The following KCNT2 variants were observed in gnomAD, a reference collection of about 807,000 sequenced individuals.
KCNT2 encodes the protein potassium channel subfamily T member 2.
A neutral mutation model predicts 153.8 loss-of-function variants in KCNT2; 67 were observed. The observed-to-expected ratio is 0.44, with a 90% CI of 0.36 to 0.53. KCNT2 has a LOEUF of 0.53. KCNT2 is among the 20% of genes least tolerant of loss of function. The pLI, the probability that KCNT2 is intolerant of heterozygous loss-of-function variation, is 0.00. For missense variants in KCNT2, 975 were observed against 1,354.8 expected, an observed-to-expected ratio of 0.72 and a Z score of 4.40; for synonymous variants, 500 against 458.8, an observed-to-expected ratio of 1.09 and a Z score of -1.15.
At chr1:196,333,308 C>T (rs1425106618) in intron 17 of KCNT2, among the ~76,000 whole-genome samples, 17 of 151,784 alleles carry the variant, frequency 1.1e-4, no homozygotes, top group Non-Finnish European at 2.9e-5. Context: ...TATAGATTGG[C>T]GTTCTATTAT....
intron 22 of KCNT2, among the ~76,000 whole-genome samples, chr1:196,291,657 C>T (rs1660195572): frequency 6.6e-6 from 1 of 152,124 alleles, no homozygotes; most frequent in South Asian, 2.1e-4. Context: ...AAGTTACAAA[C>T]TGGCAGTAAT....
intron 5 of KCNT2, among the ~76,000 whole-genome samples, chr1:196,477,560 T>C (rs1284867627): frequency 6.6e-6 from 1 of 152,062 alleles, no homozygotes; most frequent in Non-Finnish European, 1.5e-5. Context: ...CTCTCCAGCC[T>C]GGGTGACAGT....
intron 14 of KCNT2, among the ~76,000 whole-genome samples, chr1:196,363,236 C>T (rs1018615507): frequency 2.6e-5 from 4 of 151,936 alleles, no homozygotes; most frequent in African/African-American, 9.7e-5. Flanking sequence ...TATTTTGTGG[C>T]CCAAAAGATT....
chr1:196,575,638 A>T (rs898441224), intron 1 of KCNT2, among the ~76,000 whole-genome samples: 2 of 150,254 alleles, frequency 1.3e-5, no homozygotes, highest in African/African-American at 4.9e-5. Context: ...GATTTGATAT[A>T]TTTATATATA....
intron 5 of KCNT2, among the ~76,000 whole-genome samples, chr1:196,470,872 C>A (rs1354332958): frequency 8.9e-6 from 1 of 112,196 alleles, no homozygotes; most frequent in African/African-American, 3.4e-5. Context: ...TAATTTCTTT[C>A]TTTCTTTTTT....
At chr1:196,565,963 T>C (rs1251598384) in intron 1 of KCNT2, among the ~76,000 whole-genome samples, 1 of 151,922 alleles carries the variant, frequency 6.6e-6, no homozygotes, top group East Asian at 1.9e-4. Context: ...TGAGAGTAGA[T>C]TTTAAGCTTT....
At chr1:196,379,065 T>C (rs1669228754) in intron 13 of KCNT2, among the ~76,000 whole-genome samples, 2 of 151,958 alleles carry the variant, frequency 1.3e-5, no homozygotes, top group Non-Finnish European at 2.9e-5. Flanking sequence ...GATGGGACAA[T>C]GTGCAGAAAT....
At chr1:196,358,566 TA>T (rs1327166373) in intron 14 of KCNT2, among the ~76,000 whole-genome samples, 2 of 151,950 alleles carry the variant, frequency 1.3e-5, no homozygotes, top group African/African-American at 4.8e-5. Context: ...TTGTTTATAC[TA>T]CTCTACTTTT....
chr1:196,338,827 G>T (rs1665290725), intron 16 of KCNT2, among the ~76,000 whole-genome samples: 1 of 151,524 alleles, frequency 6.6e-6, no homozygotes, highest in African/African-American at 2.4e-5. Context: ...GATTCTAGGG[G>T]CTATTTACTG....
chr1:196,386,343 C>T (rs540709038), intron 13 of KCNT2, among the ~76,000 whole-genome samples: 4 of 152,200 alleles, frequency 2.6e-5, no homozygotes, highest in African/African-American at 9.6e-5. Flanking sequence ...GTTGTTTATA[C>T]CACAAAGTTT....
chr1:196,557,334 G>T lies in KCNT2; in HGVS notation c.95+50881C>A, dbSNP rs369915265. ...TTCCTTGTTTTAGAATGACATAAAG[G>T]GATGGTACAAAATTCAACTTTTCTA... On this transcript the variant is annotated intron_variant, in intron 1 of 27. Transcript: ENST00000294725. Among the ~76,000 whole-genome samples the T allele has an allele frequency of 2.6e-5, 4 of 151,158 alleles. No homozygotes were observed. The East Asian group carries it at 7.8e-4, about 29-fold the overall frequency.
chr1:196,409,498 T>C (rs1672108855), intron 12 of KCNT2, among the ~76,000 whole-genome samples: 1 of 151,664 alleles, frequency 6.6e-6, no homozygotes, highest in East Asian at 1.9e-4. Flanking sequence ...ATTATTTTTG[T>C]TTTAAACAGT....
chr1:196,566,077 T>G (rs1307519650), intron 1 of KCNT2, among the ~76,000 whole-genome samples: 1 of 151,978 alleles, frequency 6.6e-6, no homozygotes, highest in East Asian at 1.9e-4. Context: ...TATATACAAT[T>G]TTTATTTGTC....
chr1:196,355,676 C>T (rs1667116735), intron 14 of KCNT2, among the ~76,000 whole-genome samples: 1 of 151,656 alleles, frequency 6.6e-6, no homozygotes, highest in Non-Finnish European at 1.5e-5. Flanking sequence ...ATTCCTGTTA[C>T]CACCACACAC....
At chr1:196,439,818 G>C (rs1675062768) in intron 8 of KCNT2, among the ~76,000 whole-genome samples, 1 of 151,698 alleles carries the variant, frequency 6.6e-6, no homozygotes, top group African/African-American at 2.4e-5. Flanking sequence ...TAGTAATATG[G>C]ACTTGTTATT....
At chr1:196,459,143 TC>T (rs1300449970) in intron 8 of KCNT2, among the ~76,000 whole-genome samples, 10 of 151,788 alleles carry the variant, frequency 6.6e-5, no homozygotes, top group Admixed American at 1.3e-4. Context: ...AACCAGTCTT[TC>T]TATTGTCAAA....
intron 26 of KCNT2, among the ~76,000 whole-genome samples, chr1:196,255,101 T>C (rs1656347462): frequency 6.6e-6 from 1 of 151,530 alleles, no homozygotes; most frequent in Non-Finnish European, 1.5e-5. Flanking sequence ...AATCCATCAA[T>C]AGATAACAAA....
intron 25 of KCNT2, chr1:196,259,544 A>G (rs1331243546): frequency 6.6e-6 from 1 of 152,076 alleles, no homozygotes; most frequent in Non-Finnish European, 1.5e-5. Flanking sequence ...CAGTTATAGC[A>G]TGCATGTGTT....
chr1:196,577,645 G>T (rs534703426), intron 1 of KCNT2, among the ~76,000 whole-genome samples: 1 of 152,284 alleles, frequency 6.6e-6, no homozygotes, highest in South Asian at 2.1e-4. Context: ...TCCAGGAATT[G>T]TGCTTGAACT....
Sources: allele counts gnomAD v4.1 joint callset (sites outside exome capture counted in the v4.1 genomes callset), GRCh38; gene constraint gnomAD v4.1.1; transcripts MANE v1.5; gene names NCBI Gene and HGNC (gene_info 2026-07-23, HGNC 2026-07-21).